LIPM: variants seen among roughly 807,000 people sequenced by gnomAD.
LIPM encodes lipase family member M.
In LIPM, 42 loss-of-function variants were observed where a neutral mutation model predicts 42.4. That is an observed-to-expected ratio of 0.99 (90% CI 0.77 to 1.28). The LOEUF (loss-of-function observed/expected upper bound fraction) is 1.28, where lower values mean the gene tolerates loss of function less well. Among genes scored for constraint, LIPM ranks in the 50% most tolerant of loss-of-function variants. The pLI is 0.00. For synonymous variants in LIPM, 177 were observed against 173.3 expected (o/e 1.02, Z -0.17); for missense variants, 524 against 520.1 (o/e 1.01, Z -0.07).
At chr10:88,806,680 A>G (rs1180218171) in intron 1 of LIPM, among the ~76,000 whole-genome samples, 1 of 151,966 alleles carries the variant, frequency 6.6e-6, no homozygotes, top group African/African-American at 2.4e-5. Flanking sequence ...AATTTGAGAC[A>G]CTTCTATAAA....
At chr10:88,806,894 T>G (rs1278906239) in intron 1 of LIPM, among the ~76,000 whole-genome samples, 1 of 152,160 alleles carries the variant, frequency 6.6e-6, no homozygotes, top group Admixed American at 6.6e-5. Context: ...TTTCACCATG[T>G]TGGCCAGGAT....
intron 3 of LIPM, among the ~76,000 whole-genome samples, 177 bp from the exon 4 acceptor site, chr10:88,814,353 A>G (rs1843690990): frequency 6.6e-6 from 1 of 152,218 alleles, no homozygotes; most frequent in Non-Finnish European, 1.5e-5. Flanking sequence ...CTGTGACTCC[A>G]GAGGCACCCA....
rs188143746 is a variant in LIPM, at chr10:88,820,158, T to A, written c.1003-74T>A. On this transcript the variant is annotated intron_variant, in intron 8 of 8. Transcript: ENST00000404743. ...CACAACAGATGGCATGTTTATTATG[T>A]CTATTTGAAACATAAATTATGAGCC... 4.9e-6 allele frequency: 6 copies of A among 1,230,476 alleles called. No homozygotes were observed. In the Admixed American group the frequency reaches 1.4e-4, roughly 29 times the overall value. 76.2% of individuals were successfully genotyped at this position (1,230,476 alleles called of 1,614,324 possible).
rs1261127297 is a variant in LIPM, at chr10:88,815,144, G to T, written c.631G>T (p.Ala211Ser). 2 of 1,551,262 alleles carry T rather than the reference G, an allele frequency of 1.3e-6. No individual in the cohort carries two copies. Among genetic ancestry groups the T allele is most frequent in the African/African-American group, 1.4e-5 (1 of 72,976 alleles). ...GGCTCAGAAAATCAAAATGTATTTTGCTTTAGCACCCATAGCCACTGTTAA... is the reference window on the plus strand; with the variant it reads ...GGCTCAGAAAATCAAAATGTATTTTTCTTTAGCACCCATAGCCACTGTTAA... ...ELAQKIKMYF[A>S]LAPIATVKHA... is the part of the protein sequence containing the mutation. Residue 211 changes from alanine (A) to serine (S), a missense_variant, in exon 5 of 9, where the codon GCT becomes TCT. Ala to Ser is a moderately conservative substitution (Grantham distance 99). Transcript: ENST00000404743.
At chr10:88,814,172 G>A (rs1191485695) in intron 3 of LIPM, among the ~76,000 whole-genome samples, 4 of 152,220 alleles carry the variant, frequency 2.6e-5, no homozygotes, top group African/African-American at 9.6e-5. Context: ...GACCACTTCA[G>A]CATCTTTACA....
intron 1 of LIPM, among the ~76,000 whole-genome samples, chr10:88,804,658 C>T (rs186589467): frequency 1.8e-4 from 27 of 152,256 alleles, no homozygotes; most frequent in Admixed American, 1.4e-3. Context: ...ACACTCCTAC[C>T]AGAACCATGA....
intron 3 of LIPM, among the ~76,000 whole-genome samples, chr10:88,814,215 T>A (rs1843689009): frequency 6.6e-6 from 1 of 152,212 alleles, no homozygotes; most frequent in South Asian, 2.1e-4. Context: ...CAGAGCCCTG[T>A]GCGGTTCTGC....
At position 88,814,527 on chromosome 10, in the gene LIPM, T is replaced by A; in HGVS notation, c.465-3T>A. 6.5e-7 allele frequency: 1 copy of A among 1,538,102 alleles called. No homozygotes were observed. The highest frequency in any genetic ancestry group is 2.4e-5 in the East Asian group (1 of 40,862). ...CATATAACTTTGTCTTTTCCCCTTG[T>A]AGTTATGATGAGATGGCTAGGTTTG... On this transcript the variant is annotated splice_polypyrimidine_tract_variant and splice_region_variant and intron_variant, in intron 3 of 8. Transcript: ENST00000404743.
chr10:88,804,488 C>G (rs1843563476), intron 1 of LIPM, among the ~76,000 whole-genome samples: 1 of 152,154 alleles, frequency 6.6e-6, no homozygotes, highest in African/African-American at 2.4e-5. Flanking sequence ...CAAGTTTGAA[C>G]TGGTTCTGAG....
chr10:88,813,365 C>A, intron 3 of LIPM, 70 bp downstream of exon 3: 1 of 1,266,974 alleles, frequency 7.9e-7, no homozygotes, highest in South Asian at 1.6e-5. Context: ...AAAATTACGG[C>A]TTCTAGTATT....
At chr10:88,807,327 C>A (rs951409176) in intron 1 of LIPM, among the ~76,000 whole-genome samples, 4 of 152,076 alleles carry the variant, frequency 2.6e-5, no homozygotes, top group Non-Finnish European at 4.4e-5. Flanking sequence ...ACAGTGGGAC[C>A]CAGGAGCTTT....
At chr10:88,817,944 T>A (rs1302825833) in intron 8 of LIPM, 48 bp downstream of exon 8, 4 of 1,349,164 alleles carry the variant, frequency 3.0e-6, no homozygotes, top group Non-Finnish European at 4.2e-6. Context: ...ATTGGAAATG[T>A]ATGACAGGGA....
At chr10:88,812,462 T>C (rs1405143871) in intron 2 of LIPM, among the ~76,000 whole-genome samples, 2 of 152,216 alleles carry the variant, frequency 1.3e-5, no homozygotes, top group African/African-American at 4.8e-5. Flanking sequence ...TATTGTACTG[T>C]AAATCAATGT....
chr10:88,808,006 G>T (rs1474932691), intron 1 of LIPM, among the ~76,000 whole-genome samples: 2 of 152,214 alleles, frequency 1.3e-5, no homozygotes, highest in Admixed American at 6.5e-5. Flanking sequence ...TCCTGATTCA[G>T]TAGGTTTGGT....
Position 88,819,869 on chromosome 10 carries a change from A to G in LIPM, c.1003-363A>G, listed in dbSNP as rs75374052. 4.6e-3 allele frequency among the ~76,000 whole-genome samples: 697 copies of G among 152,314 alleles called. 3 individuals are homozygous for G. Among genetic ancestry groups the G allele is most frequent in the African/African-American group, 0.016 (655 of 41,558 alleles). On this transcript the variant is annotated intron_variant, in intron 8 of 8. Coordinates refer to ENST00000404743, the MANE Select transcript of LIPM (RefSeq NM_001128215.1). ...ATTCTTCTTTCATGAAATGTTTGTGAAATTATCTTTTAAAAGAACAGGGGC... is the reference window on the plus strand; with the variant it reads ...ATTCTTCTTTCATGAAATGTTTGTGGAATTATCTTTTAAAAGAACAGGGGC...
rs534030065 is a variant in LIPM, at chr10:88,817,982, T to C, written c.1002+86T>C. The C allele has an allele frequency of 1.7e-5, 18 of 1,043,824 alleles. No homozygotes were observed. In the African/African-American group the frequency reaches 2.6e-4, roughly 15 times the overall value. The allele number at this position is 1,043,824 out of a possible 1,614,324, so 64.7% of individuals were successfully genotyped here. A position where few individuals can be genotyped will look rare whatever the true frequency, so the allele number is the denominator to read the frequency against. Reference sequence around the variant, plus strand: ...TTATAATGACAGTTTATTCTAGATATGGGAATAAAATATGAAAATTTAAGC... The same window carrying C: ...TTATAATGACAGTTTATTCTAGATACGGGAATAAAATATGAAAATTTAAGC... On this transcript the variant is annotated intron_variant, in intron 8 of 8. Transcript: ENST00000404743.
At chr10:88,808,674 T>C (rs1378722475) in intron 2 of LIPM, among the ~76,000 whole-genome samples, 3 of 152,128 alleles carry the variant, frequency 2.0e-5, no homozygotes, top group African/African-American at 7.2e-5. Flanking sequence ...CTTGACTTAT[T>C]TTAGCGCTTA....
At position 88,820,444 on chromosome 10, in the gene LIPM, T is replaced by C. The variant is rs1168648160; in HGVS notation, c.1215T>C (p.His405=). ...ACCGTATGTACAATGAAATCATCCA[T>C]CTGATGCAGCAGGAGGAGACCAACC... ...APHRMYNEII[H]LMQQEETNLS... Residue 405 remains histidine (H), a synonymous_variant, in exon 9 of 9, where the codon CAT becomes CAC. Transcript: ENST00000404743. 3 of 1,551,830 alleles carry C rather than the reference T, an allele frequency of 1.9e-6. No individual in the cohort carries two copies. The highest frequency in any genetic ancestry group is 3.9e-5 in the Admixed American group (2 of 50,976).
chr10:88,808,538 A>C (rs1843616354), intron 2 of LIPM, 123 bp downstream of exon 2: 1 of 588,108 alleles, frequency 1.7e-6, no homozygotes, highest in African/African-American at 1.8e-5. Context: ...GTTCAGGTCA[A>C]AGGATGGTGT....
Sources: gnomAD v4.1 joint callset for allele counts (sites outside exome capture counted in the v4.1 genomes callset) on GRCh38, gnomAD v4.1.1 for gene constraint, MANE v1.5 for transcripts, NCBI Gene and HGNC (gene_info 2026-07-23, HGNC 2026-07-21) for gene names.